Variants in SLC30A9 observed in about 807,000 individuals in gnomAD.
The protein encoded by SLC30A9 is proton-coupled zinc antiporter SLC30A9, mitochondrial.
A neutral mutation model predicts 87.5 loss-of-function variants in SLC30A9; 58 were observed. That is an observed-to-expected ratio of 0.66 (90% CI 0.54 to 0.82). The LOEUF (loss-of-function observed/expected upper bound fraction) is 0.82, where lower values mean the gene tolerates loss of function less well. SLC30A9 is among the 40% of genes least tolerant of loss of function. SLC30A9 has a pLI of 0.00. For missense variants in SLC30A9, 557 were observed against 679.1 expected (o/e 0.82, Z 2.00); for synonymous variants, 234 against 233.0 (o/e 1.00, Z -0.04).
At chr4:42,081,974 T>C (rs1718754616) in intron 17 of SLC30A9, among the ~76,000 whole-genome samples, 2 of 152,054 alleles carry the variant, frequency 1.3e-5, no homozygotes, top group Non-Finnish European at 2.9e-5. Context: ...TCCCAGCACT[T>C]TGGGAGGCCG....
At chr4:42,026,964 T>C (rs916564266) in intron 6 of SLC30A9, among the ~76,000 whole-genome samples, 21 of 152,152 alleles carry the variant, frequency 1.4e-4, no homozygotes, top group African/African-American at 4.8e-4. Flanking sequence ...TTTTTTTGTT[T>C]ATAGTTTTGG....
intron 6 of SLC30A9, among the ~76,000 whole-genome samples, chr4:42,030,371 T>G (rs540049091): frequency 1.3e-5 from 2 of 152,328 alleles, no homozygotes; most frequent in Non-Finnish European, 2.9e-5. Context: ...GTGCTCATTT[T>G]TACTGTAAAT....
chr4:42,041,054 C>G (rs1295152001), intron 8 of SLC30A9, among the ~76,000 whole-genome samples: 1 of 152,126 alleles, frequency 6.6e-6, no homozygotes, highest in African/African-American at 2.4e-5. Flanking sequence ...TGGATGGCAG[C>G]AGGCAAATAG....
intron 6 of SLC30A9, chr4:42,029,336 A>C (rs1716323104): frequency 1.8e-6 from 1 of 546,034 alleles, no homozygotes; most frequent in African/African-American, 1.9e-5. Context: ...ATAATATTTT[A>C]TGGCTGCCTG....
At chr4:41,999,516 TAGCCTGAAGTTAGATAA>T (rs938398478) in intron 1 of SLC30A9, among the ~76,000 whole-genome samples, 46 of 152,112 alleles carry the variant, frequency 3.0e-4, no homozygotes, top group African/African-American at 1.1e-3. Flanking sequence ...CTAATAAAAA[TAGCCTGAAGTTAGATAA>T]AGCCTTTACA....
intron 17 of SLC30A9, among the ~76,000 whole-genome samples, chr4:42,082,529 A>G (rs1718778308): frequency 6.6e-6 from 1 of 152,128 alleles, no homozygotes; most frequent in Non-Finnish European, 1.5e-5. Context: ...GAGTGTTGAA[A>G]TAGATTATAT....
At chr4:42,018,768 G>A (rs974370646) in intron 3 of SLC30A9, among the ~76,000 whole-genome samples, 8 of 152,088 alleles carry the variant, frequency 5.3e-5, no homozygotes, top group Admixed American at 1.3e-4. Context: ...CCCCTATAAC[G>A]TGGTGCTGAA....
chr4:42,063,079 C>A lies in SLC30A9; in HGVS notation c.990C>A (p.Val330=). The change falls in exon 11 of 18, where the codon GTC becomes GTA. Residue 330 remains valine (V), a synonymous_variant. Coordinates refer to ENST00000264451, the MANE Select transcript of SLC30A9 (RefSeq NM_006345.4). ...MGAGLSWYHG[V]MGLLHPQPIE... is the part of the protein sequence containing the mutation. Reference sequence around the variant, plus strand: ...CAGGACTATCTTGGTACCATGGAGTCATGGGATTGCTTCATCCTCAACCAA... The same window carrying A: ...CAGGACTATCTTGGTACCATGGAGTAATGGGATTGCTTCATCCTCAACCAA... 6.2e-7 allele frequency: 1 copy of A among 1,613,730 alleles called. No homozygotes were observed. The highest frequency in any genetic ancestry group is 8.5e-7 in the Non-Finnish European group (1 of 1,179,752).
In SLC30A9 at chr4:42,035,748, G is replaced by A. The variant is rs533018896; in HGVS notation, c.669+415G>A. 1.7e-3 allele frequency among the ~76,000 whole-genome samples: 241 copies of A among 142,392 alleles called. 1 individual carries two copies. The highest frequency in any genetic ancestry group is 5.8e-3 in the African/African-American group (236 of 40,774). 93.4% of individuals were successfully genotyped at this position (142,392 alleles called of 152,430 possible). ...TGACCTCAGGTGATGCGCCTGCCTC[G>A]GCCTCCCAAAGTGTTGGGATTACAA... On this transcript the variant is annotated intron_variant, in intron 7 of 17. Coordinates refer to ENST00000264451, the MANE Select transcript of SLC30A9 (RefSeq NM_006345.4).
intron 6 of SLC30A9, among the ~76,000 whole-genome samples, chr4:42,026,300 A>G (rs1339162114): frequency 6.6e-6 from 1 of 152,242 alleles, no homozygotes; most frequent in African/African-American, 2.4e-5. Flanking sequence ...GTACTAACAC[A>G]GGATGCAATC....
chr4:42,040,550 A>G (rs1280023224), intron 8 of SLC30A9, among the ~76,000 whole-genome samples: 1 of 152,104 alleles, frequency 6.6e-6, no homozygotes, highest in Non-Finnish European at 1.5e-5. Flanking sequence ...ATTAAGAAAA[A>G]GGTGGAGGCT....
intron 6 of SLC30A9, among the ~76,000 whole-genome samples, chr4:42,028,321 A>T (rs953400062): frequency 6.6e-6 from 1 of 152,104 alleles, no homozygotes; most frequent in Non-Finnish European, 1.5e-5. Flanking sequence ...GGGTTTCACC[A>T]TGTTAGCCAG....
intron 2 of SLC30A9, 33 bp downstream of exon 2, chr4:42,001,813 GTA>G: frequency 6.7e-7 from 1 of 1,493,686 alleles, no homozygotes; most frequent in Non-Finnish European, 9.2e-7. Flanking sequence ...ACTTTTTTCT[GTA>G]TACTGGAATA....
chr4:41,993,499 G>A (rs572725339), intron 1 of SLC30A9, among the ~76,000 whole-genome samples: 9 of 152,198 alleles, frequency 5.9e-5, no homozygotes, highest in African/African-American at 2.2e-4. Flanking sequence ...TTGTTCAAGT[G>A]GCCAATAAAA....
At chr4:41,995,539 G>A (rs73810459) in intron 1 of SLC30A9, among the ~76,000 whole-genome samples, 7,320 of 152,232 alleles carry the variant, frequency 0.048, 246 homozygotes, top group African/African-American at 0.077. Flanking sequence ...GGGCTAGAAA[G>A]TAGCCAGGAT....
At chr4:42,011,933 A>C (rs750972091) in intron 2 of SLC30A9, among the ~76,000 whole-genome samples, 5 of 152,220 alleles carry the variant, frequency 3.3e-5, no homozygotes, top group African/African-American at 1.2e-4. Flanking sequence ...AGTAAATTCA[A>C]ATTCAGTCTG....
In SLC30A9 at chr4:42,048,467, TGGG is replaced by T. The variant is rs1020595360; in HGVS notation, c.738-907_738-905del. ...ACATACAGTTCTCTCATTTATAAAA[TGGG>T]GGTGTTAATATTTGTATAACAGACT... is the stretch of plus-strand genomic sequence containing the variant. On this transcript the variant is annotated intron_variant, in intron 8 of 17. Transcript: ENST00000264451. Among the ~76,000 whole-genome samples the T allele has an allele frequency of 6.8e-4, 104 of 152,092 alleles. 1 individual carries two copies. Among genetic ancestry groups the T allele is most frequent in the African/African-American group, 2.5e-3 (102 of 41,548 alleles).
intron 9 of SLC30A9, among the ~76,000 whole-genome samples, chr4:42,050,687 A>G (rs1717349431): frequency 1.3e-5 from 2 of 152,228 alleles, no homozygotes; most frequent in Admixed American, 1.3e-4. Context: ...ACTAACAGGG[A>G]TTGAGTTTAA....
chr4:42,001,936 A>AT (rs1206807888), intron 2 of SLC30A9, among the ~76,000 whole-genome samples, 156 bp downstream of exon 2: 2 of 151,786 alleles, frequency 1.3e-5, no homozygotes, highest in African/African-American at 2.4e-5. Context: ...TAATTTCTTT[A>AT]TTTTTTCTAT....
Sources: gnomAD v4.1 joint callset for allele counts (sites outside exome capture counted in the v4.1 genomes callset) on GRCh38, gnomAD v4.1.1 for gene constraint, MANE v1.5 for transcripts, NCBI Gene and HGNC (gene_info 2026-07-23, HGNC 2026-07-21) for gene names.